Variants in SOX6 observed in about 807,000 individuals in gnomAD.
SOX6 encodes transcription factor SOX-6.
Under a neutral mutation model 97.8 loss-of-function variants are expected in SOX6, and 11 were observed. That is an observed-to-expected ratio of 0.11 (90% confidence interval 0.07 to 0.19). The LOEUF is 0.19. Ranked by LOEUF, SOX6 falls within the 10% of genes least tolerant of loss-of-function variation. The probability of loss-of-function intolerance (pLI) is 1.00; values close to 1 mark genes in which losing one functional copy is unlikely to be tolerated. For missense variants in SOX6, 810 were observed against 1,039.5 expected (o/e 0.78, Z 3.04); for synonymous variants, 360 against 371.4 (o/e 0.97, Z 0.35).
At chr11:16,483,955 GT>G in intron 4 of SOX6, 2 of 859,976 alleles carry the variant, frequency 2.3e-6, no homozygotes, top group Admixed American at 3.4e-5. Flanking sequence ...CTGGGCTGTA[GT>G]TTTATTGTGC....
chr11:16,699,575 TAC>T (rs1222397775), intron 3 of SOX6, among the ~76,000 whole-genome samples: 1 of 152,192 alleles, frequency 6.6e-6, no homozygotes, highest in East Asian at 1.9e-4. Flanking sequence ...AAGTCTAATA[TAC>T]AGTTTATAAA....
chr11:16,208,827 C>T (rs1192133913), intron 4 of SOX6, among the ~76,000 whole-genome samples: 1 of 152,020 alleles, frequency 6.6e-6, no homozygotes, highest in Non-Finnish European at 1.5e-5. Flanking sequence ...GTAAAAGATC[C>T]ATTCAAATTG....
upstream of SOX6, among the ~76,000 whole-genome samples, chr11:16,357,564 A>G (rs912251735): frequency 2.6e-5 from 4 of 152,090 alleles, no homozygotes; most frequent in African/African-American, 9.7e-5. Context: ...AAAAAGAGGG[A>G]CCACAAGCCA....
chr11:16,167,927 C>A (rs1333736953), intron 6 of SOX6, among the ~76,000 whole-genome samples: 1 of 152,122 alleles, frequency 6.6e-6, no homozygotes, highest in African/African-American at 2.4e-5. Context: ...CTTAGCAGAG[C>A]AGGGATTTTT....
intron 4 of SOX6, among the ~76,000 whole-genome samples, chr11:16,220,393 G>A (rs562112922): frequency 1.1e-3 from 161 of 152,134 alleles, no homozygotes; most frequent in African/African-American, 3.7e-3. Context: ...GTTACAAGAC[G>A]GGAATGAAGC....
At chr11:16,557,960 T>G (rs1209225892) in intron 4 of SOX6, among the ~76,000 whole-genome samples, 1 of 151,834 alleles carries the variant, frequency 6.6e-6, no homozygotes, top group Non-Finnish European at 1.5e-5. Flanking sequence ...CGCTGTTAAG[T>G]TTCAGATGCT....
chr11:15,974,473 C>A (rs1853410914), intron 15 of SOX6, among the ~76,000 whole-genome samples: 1 of 134,330 alleles, frequency 7.4e-6, no homozygotes, highest in Non-Finnish European at 1.5e-5. Flanking sequence ...ATGTGCCATG[C>A]TGGTGCGCTG....
intron 4 of SOX6, among the ~76,000 whole-genome samples, chr11:16,226,256 C>A (rs182247967): frequency 6.6e-6 from 1 of 151,344 alleles, no homozygotes; most frequent in Non-Finnish European, 1.5e-5. Flanking sequence ...AATAATTAAT[C>A]GTAAATGACC....
intron 1 of SOX6, among the ~76,000 whole-genome samples, chr11:16,454,135 G>A (rs1233474509): frequency 6.6e-6 from 1 of 151,994 alleles, no homozygotes; most frequent in Admixed American, 6.6e-5. Context: ...TTTAAACTTT[G>A]TGCTTTGCTG....
At chr11:16,333,129 C>T (rs1315991703) in intron 2 of SOX6, among the ~76,000 whole-genome samples, 1 of 152,074 alleles carries the variant, frequency 6.6e-6, no homozygotes, top group Non-Finnish European at 1.5e-5. Context: ...TTATGGAAAG[C>T]AACCCTTTCC....
chr11:16,422,548 T>C (rs1165665695), intron 1 of SOX6, among the ~76,000 whole-genome samples: 1 of 152,138 alleles, frequency 6.6e-6, no homozygotes, highest in Non-Finnish European at 1.5e-5. Flanking sequence ...CTTTTGAGAA[T>C]AATGGGAATA....
At chr11:16,035,998 C>T (rs1855508386) in intron 12 of SOX6, among the ~76,000 whole-genome samples, 1 of 151,868 alleles carries the variant, frequency 6.6e-6, no homozygotes, top group South Asian at 2.1e-4. Context: ...TGGGCAATCA[C>T]TTCACTTCTG....
At chr11:16,133,964 C>T (rs535490750) in intron 6 of SOX6, among the ~76,000 whole-genome samples, 3 of 152,248 alleles carry the variant, frequency 2.0e-5, no homozygotes, top group African/African-American at 2.4e-5. Flanking sequence ...GAATTACAGG[C>T]GTGAGCCACC....
At chr11:16,733,723 T>TAAAAAA (rs34111311) in intron 2 of SOX6, among the ~76,000 whole-genome samples, 5 of 116,654 alleles carry the variant, frequency 4.3e-5, no homozygotes, top group African/African-American at 3.4e-5. Context: ...ACTTAAAGTA[T>TAAAAAA]AAAAAAAAAA....
chr11:16,208,634 C>A (rs1852136470), intron 4 of SOX6, among the ~76,000 whole-genome samples: 1 of 152,136 alleles, frequency 6.6e-6, no homozygotes, highest in Non-Finnish European at 1.5e-5. Context: ...TGAAGGAAAA[C>A]AACTAACTGT....
intron 6 of SOX6, among the ~76,000 whole-genome samples, chr11:16,157,733 T>C (rs74408627): frequency 0.025 from 3,878 of 152,154 alleles, 166 homozygotes; most frequent in African/African-American, 0.088. Context: ...ACTTGTTCAC[T>C]TCATTCCAGC....
intron 9 of SOX6, among the ~76,000 whole-genome samples, chr11:16,071,380 G>T (rs1207896129): frequency 6.6e-6 from 1 of 152,182 alleles, no homozygotes; most frequent in Non-Finnish European, 1.5e-5. Context: ...TAGCCAGCAG[G>T]TGCAGCTTCC....
intron 3 of SOX6, among the ~76,000 whole-genome samples, chr11:16,269,383 A>G (rs1027849753): frequency 6.6e-6 from 1 of 150,932 alleles, no homozygotes; most frequent in Admixed American, 6.6e-5. Context: ...CTTTTTAAGT[A>G]TATTCCTCAC....
At chr11:16,136,344 GTT>G (rs34244829) in intron 6 of SOX6, among the ~76,000 whole-genome samples, 2,353 of 129,210 alleles carry the variant, frequency 0.018, 30 homozygotes, top group South Asian at 0.054. Context: ...TGTGTGTGTG[GTT>G]TTTTTTTTTT....
Sources: allele counts gnomAD v4.1 joint callset (sites outside exome capture counted in the v4.1 genomes callset), GRCh38; gene constraint gnomAD v4.1.1; transcripts MANE v1.5; gene names NCBI Gene and HGNC (gene_info 2026-07-23, HGNC 2026-07-21).